The following GRM6 variants were observed in gnomAD, a reference collection of about 807,000 sequenced individuals.
GRM6 encodes glutamate metabotropic receptor 6.
A neutral mutation model predicts 78.4 loss-of-function variants in GRM6; 73 were observed. The ratio of observed to expected loss-of-function variants is 0.93; its 90% CI spans 0.77 to 1.13. GRM6 has a LOEUF of 1.13. Among genes scored for constraint, GRM6 ranks in the 50% most tolerant of loss-of-function variants. The pLI, the probability that GRM6 is intolerant of heterozygous loss-of-function variation, is 0.00. For missense variants in GRM6, 1,251 were observed against 1,256.4 expected (o/e 1.00, Z 0.07); for synonymous variants, 580 against 555.0 (o/e 1.05, Z -0.63).
intron 9 of GRM6, among the ~76,000 whole-genome samples, chr5:178,984,695 G>A (rs889687959): frequency 2.0e-4 from 30 of 152,190 alleles, no homozygotes; most frequent in Admixed American, 5.9e-4. Flanking sequence ...GCCTGACCAG[G>A]GGACACTCAG....
Position 178,986,322 on chromosome 5 carries a change from C to T in GRM6, c.1932G>A (p.Glu644=). 1 of 1,614,130 alleles carries T rather than the reference C, an allele frequency of 6.2e-7. No homozygotes were observed. The highest frequency in any genetic ancestry group is 8.5e-7 in the Non-Finnish European group (1 of 1,180,022). The change falls in exon 9 of 11, where the codon GAG becomes GAA. Residue 644 remains glutamate (E), a synonymous_variant. Transcript: ENST00000517717. The stretch of plus-strand genomic sequence containing the variant: ...GGGCGGCACAGACCGCGGCCCCAGG[C>T]TCAGCCACCATGAGGAAGGTGATGG... ...IYAITFLMVA[E]PGAAVCAARR...
At position 178,988,887 on chromosome 5, in the gene GRM6, G is replaced by GC. The variant is rs765744425; in HGVS notation, c.1354+47dup. ...GTCCCAGGCCTCACAGCAAAATCCAGCCCCCCAGCTGTCCTTCACTGCTGC... is the reference window on the plus strand; with the variant it reads ...GTCCCAGGCCTCACAGCAAAATCCAGCCCCCCCAGCTGTCCTTCACTGCTGC... On this transcript the variant is annotated intron_variant, in intron 7 of 10. Transcript: ENST00000517717. This position sits in a 1 kb window ranked among gnomAD's most constrained non-coding sequence, Gnocchi z 6.0. The GC allele has an allele frequency of 2.7e-6, 4 of 1,506,060 alleles. No homozygotes were observed. The South Asian group carries it at 4.6e-5, about 17-fold the overall frequency. 93.3% of individuals were successfully genotyped at this position (1,506,060 alleles called of 1,614,324 possible). A position where few individuals can be genotyped will look rare whatever the true frequency, so the allele number is the denominator to read the frequency against.
intron 10 of GRM6, 144 bp downstream of exon 10, chr5:178,982,766 A>G (rs1324004409): frequency 1.5e-6 from 1 of 661,302 alleles, no homozygotes; most frequent in African/African-American, 1.8e-5. Context: ...GAATGAATGA[A>G]CAAAGTAAGA....
Position 178,988,357 on chromosome 5 carries a change from G to A in GRM6, c.1354+578C>T, listed in dbSNP as rs960053187. ...AGAGAAGGTGGTGAGTGAGTGTTCA[G>A]TGGAAGAGCGGAGTTTTGAATTGTG... On this transcript the variant is annotated intron_variant, in intron 7 of 10. Coordinates refer to ENST00000517717, the MANE Select transcript of GRM6 (RefSeq NM_000843.4). The surrounding 1 kb of genome is among the most constrained non-coding windows in gnomAD (Gnocchi z 6.0). Among the ~76,000 whole-genome samples, 5 of 152,214 alleles carry A rather than the reference G, an allele frequency of 3.3e-5. No homozygotes were observed. The highest frequency in any genetic ancestry group is 4.8e-5 in the African/African-American group (2 of 41,456).
In GRM6 at chr5:178,986,264, T is replaced by C; in HGVS notation, c.1990A>G (p.Ser664Gly). 6.2e-7 allele frequency: 1 copy of C among 1,614,064 alleles called. No individual in the cohort carries two copies. The highest frequency in any genetic ancestry group is 1.1e-5 in the South Asian group (1 of 91,084). The change falls in exon 9 of 11, where the codon AGC (serine) becomes GGC (glycine). Residue 664 changes from serine (S) to glycine (G), a missense_variant. Physicochemically the swap from Ser to Gly is moderately conservative, Grantham distance 56. Coordinates refer to ENST00000517717, the MANE Select transcript of GRM6 (RefSeq NM_000843.4). The part of the protein sequence containing the change: ...RLFLGLGTTL[S>G]YSALLTKTNR... The stretch of plus-strand genomic sequence containing the variant: ...GTCTTGGTGAGCAGGGCAGAGTAGC[T>C]GAGGGTCGTGCCCAGGCCCAGGAAG...
chr5:178,986,294 T>C lies in GRM6; in HGVS notation c.1960A>G (p.Arg654Gly), dbSNP rs1561717468. ...GTCGTGCCCAGGCCCAGGAAGAGCCTGCGGGCGGCACAGACCGCGGCCCCA... is the reference window on the plus strand; with the variant it reads ...GTCGTGCCCAGGCCCAGGAAGAGCCCGCGGGCGGCACAGACCGCGGCCCCA... ...EPGAAVCAARRLFLGLGTTLS... is the reference protein window; with the variant it reads ...EPGAAVCAARGLFLGLGTTLS... Residue 654 changes from arginine (R) to glycine (G), a missense_variant, in exon 9 of 11, where the codon AGG becomes GGG. Transcript: ENST00000517717. The C allele has an allele frequency of 6.2e-7, 1 of 1,613,924 alleles. No individual in the cohort carries two copies. Among genetic ancestry groups the C allele is most frequent in the Non-Finnish European group, 8.5e-7 (1 of 1,179,952 alleles).
intron 2 of GRM6, among the ~76,000 whole-genome samples, chr5:178,994,120 A>T (rs1182474905): frequency 6.6e-6 from 1 of 152,148 alleles, no homozygotes; most frequent in Non-Finnish European, 1.5e-5. Flanking sequence ...TGTGCCCAGA[A>T]CAAGGGCACC....
At chr5:178,983,389 TGGCAGCCCAGGCAGG>T in intron 9 of GRM6, 168 bp from the exon 10 acceptor site, 1 of 726,026 alleles carries the variant, frequency 1.4e-6, no homozygotes, top group Non-Finnish European at 2.5e-6. Context: ...GAAGAGGGGA[TGGCAGCCCAGGCAGG>T]GGCAGCCCAA....
chr5:178,981,955 T>A lies in GRM6; in HGVS notation c.2437-101A>T. On this transcript the variant is annotated intron_variant, in intron 10 of 10. Coordinates refer to ENST00000517717, the MANE Select transcript of GRM6 (RefSeq NM_000843.4). The surrounding 1 kb of genome is among the most constrained non-coding windows in gnomAD (Gnocchi z 5.1). ...TACTCTGGAGCTGAGTCTGTTTCAG[T>A]TGGGGAACTGGGAATGAGCACTTAG... 1.2e-6 allele frequency: 1 copy of A among 862,526 alleles called. No individual in the cohort carries two copies. The highest frequency in any genetic ancestry group is 2.0e-6 in the Non-Finnish European group (1 of 499,978). 53.4% of individuals were successfully genotyped at this position (862,526 alleles called of 1,614,324 possible). A position where few individuals can be genotyped will look rare whatever the true frequency, so the allele number is the denominator to read the frequency against.
rs148093411 is a variant in GRM6 at position 178,985,682 on chromosome 5, G to A, written c.2124+448C>T. 8.6e-3 allele frequency: 3,314 copies of A among 386,962 alleles called. 32 individuals are homozygous for A. The highest frequency in any genetic ancestry group is 0.018 in the African/African-American group (744 of 41,702). 24.0% of individuals were successfully genotyped at this position (386,962 alleles called of 1,614,324 possible). A position where few individuals can be genotyped will look rare whatever the true frequency, so the allele number is the denominator to read the frequency against. ...AGTGCCACTGCACTCCAGCCTGGGCGACACAGCGAGACTCTGTCTAAAAAA... is the reference window on the plus strand; with the variant it reads ...AGTGCCACTGCACTCCAGCCTGGGCAACACAGCGAGACTCTGTCTAAAAAA... On this transcript the variant is annotated intron_variant, in intron 9 of 10. Coordinates refer to ENST00000517717, the MANE Select transcript of GRM6 (RefSeq NM_000843.4).
rs748710923 is a variant in GRM6 at position 178,994,630 on chromosome 5, C to T, written c.315G>A (p.Ala105=). The T allele has an allele frequency of 5.2e-5, 76 of 1,455,352 alleles. No homozygotes were observed. The highest frequency in any genetic ancestry group is 5.6e-5 in the Non-Finnish European group (62 of 1,106,230). The allele number at this position is 1,455,352 out of a possible 1,614,324, so 90.2% of individuals were successfully genotyped here. Residue 105 remains alanine, a synonymous_variant, in exon 2 of 11, where the codon GCG becomes GCA. Coordinates refer to ENST00000517717, the MANE Select transcript of GRM6 (RefSeq NM_000843.4). The part of the protein sequence containing the change: ...LLDTCSRDTY[A]LEQALSFVQA... ...GCACGAAGCTCAGCGCCTGCTCCAGCGCGTAGGTGTCCCGCGAGCAGGTGT... is the reference window on the plus strand; with the variant it reads ...GCACGAAGCTCAGCGCCTGCTCCAGTGCGTAGGTGTCCCGCGAGCAGGTGT...
chr5:178,978,529 A>C lies in GRM6; in HGVS notation c.*3128T>G, dbSNP rs1378668496. The stretch of plus-strand genomic sequence containing the variant: ...CCTAAGAAAATGGTTACTATACAGA[A>C]GCTCTTCTGTAGAAGTCTCAACACA... On this transcript the variant is annotated 3_prime_UTR_variant, in exon 11 of 11. Transcript: ENST00000517717. 1 of 152,234 alleles carries C rather than the reference A, an allele frequency of 6.6e-6. No homozygotes were observed. Among genetic ancestry groups the C allele is most frequent in the Non-Finnish European group, 1.5e-5 (1 of 68,044 alleles). The allele number at this position is 152,234 out of a possible 1,614,324, so 9.4% of individuals were successfully genotyped here. A position where few individuals can be genotyped will look rare whatever the true frequency, so the allele number is the denominator to read the frequency against.
Position 178,986,320 on chromosome 5 carries a change from G to A in GRM6, c.1934C>T (p.Pro645Leu), listed in dbSNP as rs1760545998. 1 of 1,614,026 alleles carries A rather than the reference G, an allele frequency of 6.2e-7. No individual in the cohort carries two copies. Among genetic ancestry groups the A allele is most frequent in the African/African-American group, 1.3e-5 (1 of 74,946 alleles). Residue 645 changes from proline to leucine, a missense_variant, in exon 9 of 11, where the codon CCT becomes CTT. Physicochemically the swap from Pro to Leu is moderately conservative, Grantham distance 98 (BLOSUM62 -3). Coordinates refer to ENST00000517717, the MANE Select transcript of GRM6 (RefSeq NM_000843.4). ...GCGGGCGGCACAGACCGCGGCCCCA[G>A]GCTCAGCCACCATGAGGAAGGTGAT... The part of the protein sequence containing the change: ...YAITFLMVAE[P>L]GAAVCAARRL...
At position 178,985,510 on chromosome 5, in the gene GRM6, T is replaced by C. The variant is rs539377714; in HGVS notation, c.2124+620A>G. 8.9e-4 allele frequency: 300 copies of C among 337,132 alleles called. 1 individual carries two copies. Among genetic ancestry groups the C allele is most frequent in the Admixed American group, 2.6e-3 (65 of 24,576 alleles). 20.9% of individuals were successfully genotyped at this position (337,132 alleles called of 1,614,324 possible). A position where few individuals can be genotyped will look rare whatever the true frequency, so the allele number is the denominator to read the frequency against. On this transcript the variant is annotated intron_variant, in intron 9 of 10. Transcript: ENST00000517717. Reference sequence around the variant, plus strand: ...CGAGGTCAGGAGATCGAGACCATCCTGGCTAACACGGTGAAGCCCTGTCTC... The same window carrying C: ...CGAGGTCAGGAGATCGAGACCATCCCGGCTAACACGGTGAAGCCCTGTCTC...
At chr5:178,987,290 C>T (rs2113331928) in intron 7 of GRM6, 1 of 545,876 alleles carries the variant, frequency 1.8e-6, no homozygotes, top group Non-Finnish European at 3.5e-6. Flanking sequence ...AAACACATGA[C>T]CCAGCAGTTC....
chr5:178,983,141 G>C lies in GRM6; in HGVS notation c.2205C>G (p.Pro735=), dbSNP rs147912967. The C allele has an allele frequency of 1.2e-6, 2 of 1,613,730 alleles. No homozygotes were observed. Among genetic ancestry groups the C allele is most frequent in the Non-Finnish European group, 1.7e-6 (2 of 1,179,932 alleles). ...IDYEEQRTVD[P]EQARGVLKCD... is the part of the protein sequence containing the mutation. ...ACTTGAGCACCCCTCTGGCCTGCTC[G>C]GGGTCCACCGTCCGCTGTTCCTCAT... Residue 735 remains proline (P), a synonymous_variant, in exon 10 of 11, where the codon CCC becomes CCG. Transcript: ENST00000517717.
At chr5:178,983,443 G>A (rs1760446160) in intron 9 of GRM6, 1 of 696,538 alleles carries the variant, frequency 1.4e-6, no homozygotes, top group Non-Finnish European at 2.6e-6. Flanking sequence ...CCCGTGACCT[G>A]GCAGCTGCGG....
At position 178,992,000 on chromosome 5, in the gene GRM6, G is replaced by A. The variant is rs756171835; in HGVS notation, c.588C>T (p.Pro196=). The part of the protein sequence containing the change: ...RYDFFSRVVP[P]DSYQAQAMVD... ...CCATGGCCTGCGCCTGGTAGGAGTC[G>A]GGTGGCACCACCCGGGAGAAGAAGT... Residue 196 remains proline, a synonymous_variant, in exon 3 of 11, where the codon CCC becomes CCT. Transcript: ENST00000517717. The surrounding 1 kb of genome is among the most constrained non-coding windows in gnomAD (Gnocchi z 5.0). 110 of 1,613,968 alleles carry A rather than the reference G, an allele frequency of 6.8e-5. No individual in the cohort carries two copies. Among genetic ancestry groups the A allele is most frequent in the South Asian group, 1.3e-4 (12 of 91,088 alleles).
At position 178,986,857 on chromosome 5, in the gene GRM6, G is replaced by T; in HGVS notation, c.1481C>A (p.Ala494Glu). The change falls in exon 8 of 11, where the codon GCA becomes GAA. Residue 494 changes from alanine (A) to glutamate (E), a missense_variant. Physicochemically the swap from Ala to Glu is moderately radical, Grantham distance 107. Coordinates refer to ENST00000517717, the MANE Select transcript of GRM6 (RefSeq NM_000843.4). Reference sequence around the variant, plus strand: ...ACTCACATCCAGTCTGAGGGTCTCTGCCCACTGGCCCACTGCCTGGTACCC... The same window carrying T: ...ACTCACATCCAGTCTGAGGGTCTCTTCCCACTGGCCCACTGCCTGGTACCC... ...SGGYQAVGQW[A>E]ETLRLDVEAL... 2 of 1,613,976 alleles carry T rather than the reference G, an allele frequency of 1.2e-6. No homozygotes were observed. Among genetic ancestry groups the T allele is most frequent in the Non-Finnish European group, 1.7e-6 (2 of 1,180,016 alleles).
Sources: gnomAD v4.1 joint callset for allele counts (sites outside exome capture counted in the v4.1 genomes callset) on GRCh38, gnomAD v4.1.1 for gene constraint, Gnocchi (gnomAD v3.1) non-coding constraint, MANE v1.5 for transcripts, NCBI Gene and HGNC (gene_info 2026-07-23, HGNC 2026-07-21) for gene names.